The following SLC35F4 variants were observed in gnomAD, a reference collection of about 807,000 sequenced individuals.
SLC35F4 encodes chromosome 14 open reading frame 36.
A neutral mutation model predicts 44.2 loss-of-function variants in SLC35F4; 24 were observed. That is an observed-to-expected ratio of 0.54 (90% CI 0.39 to 0.76). The LOEUF (loss-of-function observed/expected upper bound fraction) is 0.76. Ranked by LOEUF, SLC35F4 falls within the 30% of genes least tolerant of loss-of-function variation. The pLI is 0.00. For missense variants in SLC35F4, 562 were observed against 586.1 expected, an observed-to-expected ratio of 0.96 and a Z score of 0.42; for synonymous variants, 238 against 223.6, an observed-to-expected ratio of 1.06 and a Z score of -0.57.
In SLC35F4 at chr14:57,692,999, AC is replaced by A. The variant is rs200393811; in HGVS notation, c.104-98876del. 6.6e-5 allele frequency among the ~76,000 whole-genome samples: 10 copies of A among 152,300 alleles called. No individual in the cohort carries two copies. In the East Asian group the frequency reaches 1.9e-3, roughly 29 times the overall value. On this transcript the variant is annotated intron_variant, in intron 1 of 7. Coordinates refer to ENST00000556826, the MANE Select transcript of SLC35F4 (RefSeq NM_001306087.2). Reference sequence around the variant, plus strand: ...ATAAATACCTATTTGAATACTCTAAACATGACAAAAATTAAAAAATCCCATA... The same window carrying A: ...ATAAATACCTATTTGAATACTCTAAAATGACAAAAATTAAAAAATCCCATA...
intron 1 of SLC35F4, among the ~76,000 whole-genome samples, chr14:57,602,247 C>A (rs1167677256): frequency 1.3e-5 from 2 of 151,786 alleles, no homozygotes; most frequent in Non-Finnish European, 2.9e-5. Flanking sequence ...AGGAGGAGAG[C>A]CTAGGGCAGC....
intron 1 of SLC35F4, among the ~76,000 whole-genome samples, chr14:57,812,124 G>A (rs952725949): frequency 7.2e-5 from 11 of 152,200 alleles, no homozygotes; most frequent in African/African-American, 2.2e-4. Flanking sequence ...TCAGTGATGT[G>A]TATTCCCTAA....
intron 1 of SLC35F4, among the ~76,000 whole-genome samples, chr14:57,981,760 ATAAAT>A (rs1301443273): frequency 2.6e-5 from 4 of 152,220 alleles, no homozygotes; most frequent in African/African-American, 7.2e-5. Flanking sequence ...AGTTCGGAAA[ATAAAT>A]TCAATTATAT....
intron 1 of SLC35F4, among the ~76,000 whole-genome samples, chr14:57,801,019 C>A (rs1371959028): frequency 6.6e-6 from 1 of 152,164 alleles, no homozygotes; most frequent in Non-Finnish European, 1.5e-5. Flanking sequence ...ATGCAGAGAA[C>A]CCCAGTAAGA....
At chr14:57,777,222 T>C (rs914619854) in intron 1 of SLC35F4, among the ~76,000 whole-genome samples, 3 of 152,200 alleles carry the variant, frequency 2.0e-5, no homozygotes, top group African/African-American at 7.2e-5. Flanking sequence ...AGTGTGGTGA[T>C]TCCTCAAGAA....
At chr14:57,648,339 A>G (rs1179539615) in intron 1 of SLC35F4, among the ~76,000 whole-genome samples, 4 of 152,240 alleles carry the variant, frequency 2.6e-5, no homozygotes, top group African/African-American at 7.2e-5. Context: ...CAGTTAATCT[A>G]AAACAAAATA....
intron 6 of SLC35F4, among the ~76,000 whole-genome samples, chr14:57,567,904 T>A (rs2068283414): frequency 6.6e-6 from 1 of 152,158 alleles, no homozygotes; most frequent in Non-Finnish European, 1.5e-5. Context: ...AAAGTAAACA[T>A]AAGCAAACAA....
intron 1 of SLC35F4, among the ~76,000 whole-genome samples, chr14:57,823,582 T>C (rs1055721477): frequency 1.3e-5 from 2 of 152,192 alleles, no homozygotes; most frequent in African/African-American, 4.8e-5. Flanking sequence ...GGTTCCTAGT[T>C]GGTGCTCAAT....
chr14:57,656,703 A>C (rs1048941818), intron 1 of SLC35F4, among the ~76,000 whole-genome samples: 1 of 152,144 alleles, frequency 6.6e-6, no homozygotes, highest in African/African-American at 2.4e-5. Flanking sequence ...CAACTGGCCC[A>C]TATCAAGTAT....
intron 1 of SLC35F4, among the ~76,000 whole-genome samples, chr14:57,716,415 G>A (rs1303982334): frequency 6.6e-6 from 1 of 152,088 alleles, no homozygotes; most frequent in Non-Finnish European, 1.5e-5. Context: ...ACCTTGAGCA[G>A]TAGAATATAA....
At chr14:57,752,738 C>T (rs571136479) in intron 1 of SLC35F4, among the ~76,000 whole-genome samples, 3 of 152,248 alleles carry the variant, frequency 2.0e-5, no homozygotes, top group East Asian at 1.9e-4. Flanking sequence ...GGATTACAGG[C>T]GTGAGCCACT....
intron 1 of SLC35F4, among the ~76,000 whole-genome samples, chr14:57,814,514 G>A (rs2140894490): frequency 6.6e-6 from 1 of 152,290 alleles, no homozygotes; most frequent in East Asian, 1.9e-4. Flanking sequence ...TGCAAACTCT[G>A]ACGCTTTCCC....
At chr14:57,695,855 G>A (rs1457525646) in intron 1 of SLC35F4, among the ~76,000 whole-genome samples, 1 of 152,138 alleles carries the variant, frequency 6.6e-6, no homozygotes, top group Admixed American at 6.6e-5. Context: ...AAAATTATGA[G>A]TTCATGTCCT....
chr14:57,887,897 G>A (rs764933376), intron 1 of SLC35F4, among the ~76,000 whole-genome samples: 16 of 152,050 alleles, frequency 1.1e-4, no homozygotes, highest in Non-Finnish European at 1.9e-4. Flanking sequence ...ACATGCACAC[G>A]CACATGCACA....
intron 1 of SLC35F4, among the ~76,000 whole-genome samples, chr14:57,682,649 A>G (rs1205518437): frequency 6.6e-6 from 1 of 151,372 alleles, no homozygotes; most frequent in Non-Finnish European, 1.5e-5. Context: ...AAAAAAAAAA[A>G]GATGCCATTT....
chr14:57,910,130 A>T (rs1274564460), intron 1 of SLC35F4, among the ~76,000 whole-genome samples: 1 of 151,482 alleles, frequency 6.6e-6, no homozygotes, highest in Non-Finnish European at 1.5e-5. Context: ...TCTTTTGCCT[A>T]TTTTTTTTAT....
intron 1 of SLC35F4, among the ~76,000 whole-genome samples, chr14:57,724,550 G>C (rs2140448250): frequency 6.6e-6 from 1 of 152,274 alleles, no homozygotes; most frequent in Middle Eastern, 3.4e-3. Context: ...AATTGAAGTG[G>C]TATATACGTG....
At chr14:57,658,951 G>C (rs1594731462) in intron 1 of SLC35F4, among the ~76,000 whole-genome samples, 1 of 152,248 alleles carries the variant, frequency 6.6e-6, no homozygotes, top group East Asian at 1.9e-4. Context: ...GCAAGACCCA[G>C]AGAGAAAGAA....
intron 1 of SLC35F4, among the ~76,000 whole-genome samples, chr14:57,875,679 G>A (rs1888384432): frequency 6.6e-6 from 1 of 152,202 alleles, no homozygotes; most frequent in African/African-American, 2.4e-5. Flanking sequence ...AAGAGTAAGA[G>A]TTAAGAATGC....
Sources: gnomAD v4.1 joint callset for allele counts (sites outside exome capture counted in the v4.1 genomes callset) on GRCh38, gnomAD v4.1.1 for gene constraint, MANE v1.5 for transcripts, NCBI Gene and HGNC (gene_info 2026-07-23, HGNC 2026-07-21) for gene names.